The following AJAP1 variants were observed in gnomAD, a reference collection of about 807,000 sequenced individuals.
The protein encoded by AJAP1 is adherens junctions associated protein 1.
AJAP1 carries 5 observed loss-of-function variants against 35.0 expected under a neutral mutation model. The observed-to-expected ratio is 0.14, with a 90% CI of 0.07 to 0.30. AJAP1 has a LOEUF of 0.30. Ranked by LOEUF, AJAP1 falls within the 10% of genes least tolerant of loss-of-function variation. AJAP1 has a pLI of 1.00. For missense variants in AJAP1, 586 were observed against 571.0 expected, an observed-to-expected ratio of 1.03 and a Z score of -0.27; for synonymous variants, 284 against 249.3, an observed-to-expected ratio of 1.14 and a Z score of -1.31.
At chr1:4,749,603 C>T (rs1477723267) in intron 2 of AJAP1, among the ~76,000 whole-genome samples, 1 of 152,124 alleles carries the variant, frequency 6.6e-6, no homozygotes, top group African/African-American at 2.4e-5. Context: ...TGGGGAGGAC[C>T]AGGAAAAAAC....
intron 1 of AJAP1, among the ~76,000 whole-genome samples, chr1:4,670,325 T>C (rs1240025003): frequency 6.6e-6 from 1 of 152,170 alleles, no homozygotes; most frequent in Non-Finnish European, 1.5e-5. Flanking sequence ...TTATGAACCA[T>C]TTTGGGAGTG....
In AJAP1 at chr1:4,655,304, G is replaced by A; in HGVS notation, c.-122G>A. 1.3e-6 allele frequency: 1 copy of A among 752,364 alleles called. No homozygotes were observed. The highest frequency in any genetic ancestry group is 1.7e-6 in the Non-Finnish European group (1 of 583,684). 46.6% of individuals were successfully genotyped at this position (752,364 alleles called of 1,614,324 possible). A position where few individuals can be genotyped will look rare whatever the true frequency, so the allele number is the denominator to read the frequency against. On this transcript the variant is annotated 5_prime_UTR_variant, in exon 1 of 6. Coordinates refer to ENST00000378191, the MANE Select transcript of AJAP1 (RefSeq NM_018836.4). The surrounding 1 kb of genome is among the most constrained non-coding windows in gnomAD (Gnocchi z 6.9). ...GCTGTGCGCCCCGCGGCCGGCGGGC[G>A]GCGGGAGGCGGCGGACCGAGAGCCG... is the stretch of plus-strand genomic sequence containing the variant.
intron 2 of AJAP1, among the ~76,000 whole-genome samples, chr1:4,742,759 C>G (rs149929302): frequency 5.6e-4 from 85 of 152,270 alleles, no homozygotes; most frequent in African/African-American, 1.9e-3. Context: ...CACAACCGTT[C>G]CCCCACCCTA....
chr1:4,745,114 A>G (rs558101868), intron 2 of AJAP1, among the ~76,000 whole-genome samples: 1 of 152,374 alleles, frequency 6.6e-6, no homozygotes, highest in East Asian at 1.9e-4. Flanking sequence ...CTCCACAGCT[A>G]GAATTGAAAT....
intron 5 of AJAP1, among the ~76,000 whole-genome samples, chr1:4,781,709 C>A (rs535397528): frequency 2.6e-5 from 4 of 152,222 alleles, no homozygotes; most frequent in Admixed American, 6.5e-5. Context: ...ATCCCTGTGA[C>A]GGAGATGCAG....
At chr1:4,769,742 G>T in intron 2 of AJAP1, 111 bp from the exon 3 acceptor site, 1 of 899,232 alleles carries the variant, frequency 1.1e-6, no homozygotes. Flanking sequence ...CTGCGGATGG[G>T]ACCTGGCATC....
rs1640558227 is a variant in AJAP1 at position 4,723,009 on chromosome 1, C to T, written c.829+10310C>T. ...ATCTGAGCCGGAGGTACTGGCTGCTCTCTGAGGGCATTCTAGGGGGAAGAC... is the reference window on the plus strand; with the variant it reads ...ATCTGAGCCGGAGGTACTGGCTGCTTTCTGAGGGCATTCTAGGGGGAAGAC... On this transcript the variant is annotated intron_variant, in intron 2 of 5. Coordinates refer to ENST00000378191, the MANE Select transcript of AJAP1 (RefSeq NM_018836.4). This position sits in a 1 kb window ranked among gnomAD's most constrained non-coding sequence, Gnocchi z 4.3. Among the ~76,000 whole-genome samples, 1 of 152,058 alleles carries T rather than the reference C, an allele frequency of 6.6e-6. No homozygotes were observed. Among genetic ancestry groups the T allele is most frequent in the African/African-American group, 2.4e-5 (1 of 41,370 alleles).
At chr1:4,668,591 C>T (rs939801822) in intron 1 of AJAP1, among the ~76,000 whole-genome samples, 4 of 152,196 alleles carry the variant, frequency 2.6e-5, no homozygotes, top group African/African-American at 7.2e-5. Flanking sequence ...TAAGGTCATA[C>T]AAAGGCAGCA....
intron 2 of AJAP1, among the ~76,000 whole-genome samples, chr1:4,760,196 T>A (rs905609927): frequency 1.3e-5 from 2 of 151,704 alleles, no homozygotes; most frequent in South Asian, 4.2e-4. Context: ...TGAGCCTGTG[T>A]GTGTGTGCAT....
chr1:4,737,754 G>C lies in AJAP1; in HGVS notation c.829+25055G>C, dbSNP rs534474367. ...ACAAAAATAATTATTTAAAATATTA[G>C]CTGGATGTAGTGGTGCATGCACCTG... On this transcript the variant is annotated intron_variant, in intron 2 of 5. Transcript: ENST00000378191. Among the ~76,000 whole-genome samples, 112 of 152,288 alleles carry C rather than the reference G, an allele frequency of 7.4e-4. 1 individual carries two copies. The highest frequency in any genetic ancestry group is 2.5e-3 in the African/African-American group (105 of 41,564).
At chr1:4,674,042 C>CAAAAAAAAAAAA (rs57335438) in intron 1 of AJAP1, among the ~76,000 whole-genome samples, 2 of 81,924 alleles carry the variant, frequency 2.4e-5, no homozygotes, top group Non-Finnish European at 4.6e-5. Flanking sequence ...CCCCCGCCAC[C>CAAAAAAAAAAAA]AAAAAAAAAA....
In AJAP1 at chr1:4,783,874, T is replaced by C. The variant is rs1288738827; in HGVS notation, c.*1389T>C. On this transcript the variant is annotated 3_prime_UTR_variant, in exon 6 of 6. Transcript: ENST00000378191. Reference sequence around the variant, plus strand: ...GTTTGAAAACGAAAAATAGTCATTCTGTGTGCAAACCACAAGGCTGCCCCA... The same window carrying C: ...GTTTGAAAACGAAAAATAGTCATTCCGTGTGCAAACCACAAGGCTGCCCCA... 2 of 152,190 alleles carry C rather than the reference T, an allele frequency of 1.3e-5. No individual in the cohort carries two copies. Among genetic ancestry groups the C allele is most frequent in the Non-Finnish European group, 2.9e-5 (2 of 68,032 alleles). The allele number at this position is 152,190 out of a possible 1,614,324, so 9.4% of individuals were successfully genotyped here.
At chr1:4,778,571 ATCTCTCTCTCTCTCTCTCTCTC>A (rs141390632) in intron 5 of AJAP1, among the ~76,000 whole-genome samples, 15 of 142,840 alleles carry the variant, frequency 1.1e-4, no homozygotes, top group Non-Finnish European at 1.1e-4. Context: ...GATTGGCGCC[ATCTCTCTCTCTCTCTCTCTCTC>A]TCTCTCTCTC....
chr1:4,718,477 TTTTC>T (rs376885554), intron 2 of AJAP1, among the ~76,000 whole-genome samples: 15 of 151,722 alleles, frequency 9.9e-5, no homozygotes, highest in African/African-American at 3.6e-4. Flanking sequence ...GCCTAAGGCA[TTTTC>T]TTTCTTTCCT....
rs1455336481 is a variant in AJAP1 at position 4,760,846 on chromosome 1, C to T, written c.830-9007C>T. On this transcript the variant is annotated intron_variant, in intron 2 of 5. Transcript: ENST00000378191. Reference sequence around the variant, plus strand: ...GCAGAGGCTGCCCATCTGTGCCCCCCTACAGTCATGCCATACATAAAGTGC... The same window carrying T: ...GCAGAGGCTGCCCATCTGTGCCCCCTTACAGTCATGCCATACATAAAGTGC... Among the ~76,000 whole-genome samples the T allele has an allele frequency of 2.0e-5, 3 of 152,204 alleles. No individual in the cohort carries two copies. In the East Asian group the frequency reaches 5.8e-4, roughly 29 times the overall value.
chr1:4,686,659 C>T (rs745458576), intron 1 of AJAP1, among the ~76,000 whole-genome samples: 7 of 152,180 alleles, frequency 4.6e-5, no homozygotes, highest in African/African-American at 1.4e-4. Flanking sequence ...GTTACTGTTC[C>T]GATCTCAACG....
In AJAP1 at chr1:4,785,147, C is replaced by G. The variant is rs1642141168; in HGVS notation, c.*2662C>G. 1 of 152,320 alleles carries G rather than the reference C, an allele frequency of 6.6e-6. No individual in the cohort carries two copies. Among genetic ancestry groups the G allele is most frequent in the South Asian group, 2.1e-4 (1 of 4,818 alleles). The allele number at this position is 152,320 out of a possible 1,614,324, so 9.4% of individuals were successfully genotyped here. A position where few individuals can be genotyped will look rare whatever the true frequency, so the allele number is the denominator to read the frequency against. ...CCCCTTCTCTGACCATGTGCGGCAC[C>G]CTGGATGCCCTGAACTCTTTCCTGG... On this transcript the variant is annotated 3_prime_UTR_variant, in exon 6 of 6. Transcript: ENST00000378191.
chr1:4,690,002 C>A (rs1466243967), intron 1 of AJAP1, among the ~76,000 whole-genome samples: 2 of 152,078 alleles, frequency 1.3e-5, no homozygotes, highest in African/African-American at 4.8e-5. Context: ...CGGTTGAGAC[C>A]CCCCCAGCCC....
intron 3 of AJAP1, among the ~76,000 whole-genome samples, chr1:4,770,638 C>T (rs1641813162): frequency 1.3e-5 from 2 of 152,184 alleles, no homozygotes; most frequent in Non-Finnish European, 2.9e-5. Flanking sequence ...CTTAAAACTC[C>T]CTCATAGAAT....
Sources: allele counts gnomAD v4.1 joint callset (sites outside exome capture counted in the v4.1 genomes callset), GRCh38; gene constraint gnomAD v4.1.1; non-coding constraint Gnocchi (gnomAD v3.1); transcripts MANE v1.5; gene names NCBI Gene and HGNC (gene_info 2026-07-23, HGNC 2026-07-21).